CYTH3: variants seen among roughly 807,000 people sequenced by gnomAD.
CYTH3 encodes cytohesin 3, also known as cytohesin-3.
CYTH3 carries 23 observed loss-of-function variants against 55.1 expected under a neutral mutation model. That is an observed-to-expected ratio of 0.42 (90% CI 0.30 to 0.59). The LOEUF (loss-of-function observed/expected upper bound fraction) is 0.59, where lower values mean the gene tolerates loss of function less well. Ranked by LOEUF, CYTH3 falls within the 20% of genes least tolerant of loss-of-function variation. The probability of loss-of-function intolerance (pLI) is 0.20; values close to 1 mark genes in which losing one functional copy is unlikely to be tolerated. For missense variants in CYTH3, 413 were observed against 524.8 expected, an observed-to-expected ratio of 0.79 and a Z score of 2.08; for synonymous variants, 249 against 194.9, an observed-to-expected ratio of 1.28 and a Z score of -2.31.
At chr7:6,226,922 T>C (rs1286113636) in intron 1 of CYTH3, among the ~76,000 whole-genome samples, 3 of 151,794 alleles carry the variant, frequency 2.0e-5, no homozygotes, top group African/African-American at 4.8e-5. Flanking sequence ...CTACTAAAAA[T>C]ACAAAAAATT....
intron 1 of CYTH3, among the ~76,000 whole-genome samples, chr7:6,237,726 A>G (rs773285951): frequency 6.6e-6 from 1 of 152,134 alleles, no homozygotes; most frequent in Non-Finnish European, 1.5e-5. Flanking sequence ...ACAACAAAAA[A>G]AAACCACACA....
At chr7:6,209,847 A>C (rs1280764693) in intron 1 of CYTH3, among the ~76,000 whole-genome samples, 1 of 152,230 alleles carries the variant, frequency 6.6e-6, no homozygotes, top group Non-Finnish European at 1.5e-5. Flanking sequence ...TAAGTGAAAG[A>C]AGCCAATATG....
At position 6,167,522 on chromosome 7, in the gene CYTH3, A is replaced by G. The variant is rs1373293310; in HGVS notation, c.824-1712T>C. On this transcript the variant is annotated intron_variant, in intron 9 of 12. Coordinates refer to ENST00000350796, the MANE Select transcript of CYTH3 (RefSeq NM_004227.4). This position sits in a 1 kb window ranked among gnomAD's most constrained non-coding sequence, Gnocchi z 5.5. ...GCCCCGCTCCAGCTGCACTGGTGCC[A>G]GCTGCCATCCCCCAAACAGCGGCCA... 6.6e-6 allele frequency among the ~76,000 whole-genome samples: 1 copy of G among 152,238 alleles called. No homozygotes were observed. The highest frequency in any genetic ancestry group is 1.5e-5 in the Non-Finnish European group (1 of 68,030).
rs116517449 is a variant in CYTH3 at position 6,197,587 on chromosome 7, G to A, written c.35-7056C>T. Among the ~76,000 whole-genome samples the A allele has an allele frequency of 8.4e-3, 1,286 of 152,254 alleles. 17 individuals are homozygous for A. Among genetic ancestry groups the A allele is most frequent in the African/African-American group, 0.029 (1,220 of 41,538 alleles). ...AATCCCAGCTACCTGGGAGGGTGAAGCAGGAGAAATGCTTGAACCCAAGAG... is the reference window on the plus strand; with the variant it reads ...AATCCCAGCTACCTGGGAGGGTGAAACAGGAGAAATGCTTGAACCCAAGAG... On this transcript the variant is annotated intron_variant, in intron 1 of 12. Transcript: ENST00000350796.
chr7:6,179,534 T>G (rs1353149559), intron 4 of CYTH3, among the ~76,000 whole-genome samples: 1 of 151,828 alleles, frequency 6.6e-6, no homozygotes, highest in Non-Finnish European at 1.5e-5. Context: ...AAATCAATTC[T>G]CATATGTATC....
Position 6,174,704 on chromosome 7 carries a change from C to T in CYTH3, c.369-971G>A, listed in dbSNP as rs181674168. Among the ~76,000 whole-genome samples the T allele has an allele frequency of 3.6e-4, 55 of 152,128 alleles. No individual in the cohort carries two copies. In the East Asian group the frequency reaches 0.011, roughly 29 times the overall value. ...CTGGGACTACAGGCACCCGCCAGCACGCCTGGCTAATTTTTTGTATTTTTA... is the reference window on the plus strand; with the variant it reads ...CTGGGACTACAGGCACCCGCCAGCATGCCTGGCTAATTTTTTGTATTTTTA... On this transcript the variant is annotated intron_variant, in intron 5 of 12. Transcript: ENST00000350796.
At chr7:6,229,402 G>C (rs1002415008) in intron 1 of CYTH3, among the ~76,000 whole-genome samples, 1 of 152,132 alleles carries the variant, frequency 6.6e-6, no homozygotes, top group African/African-American at 2.4e-5. Context: ...TGCTGCGGCA[G>C]ACTCCAGGAA....
At chr7:6,222,706 C>T (rs946544721) in intron 1 of CYTH3, among the ~76,000 whole-genome samples, 2 of 148,188 alleles carry the variant, frequency 1.3e-5, no homozygotes, top group African/African-American at 5.0e-5. Context: ...GAGATCGCGC[C>T]ACTGCACTCC....
At chr7:6,210,605 T>C (rs1784300197) in intron 1 of CYTH3, among the ~76,000 whole-genome samples, 1 of 152,236 alleles carries the variant, frequency 6.6e-6, no homozygotes, top group South Asian at 2.1e-4. Context: ...GGTGGAACTT[T>C]GGCTAAAAAT....
chr7:6,179,741 C>T (rs1434941526), intron 4 of CYTH3, among the ~76,000 whole-genome samples: 4 of 126,772 alleles, frequency 3.2e-5, no homozygotes, highest in African/African-American at 1.2e-4. Context: ...ACACCCACCA[C>T]ACACACCCCA....
Position 6,259,772 on chromosome 7 carries a change from T to TATAATA in CYTH3, c.34+12701_34+12702insTATTAT, listed in dbSNP as rs1491219669. 2.1e-3 allele frequency among the ~76,000 whole-genome samples: 64 copies of TATAATA among 30,494 alleles called. 4 individuals carry two copies. The highest frequency in any genetic ancestry group is 4.1e-3 in the South Asian group (4 of 974). 20.0% of individuals were successfully genotyped at this position (30,494 alleles called of 152,430 possible). On this transcript the variant is annotated intron_variant, in intron 1 of 12. Coordinates refer to ENST00000350796, the MANE Select transcript of CYTH3 (RefSeq NM_004227.4). ...TATATATATATTATATATATATATA[T>TATAATA]TATATATATATAATATATATATATA...
chr7:6,256,919 A>G (rs1015417345), intron 1 of CYTH3, among the ~76,000 whole-genome samples: 7 of 152,200 alleles, frequency 4.6e-5, no homozygotes, highest in African/African-American at 1.7e-4. Context: ...GACCAGTCTG[A>G]CCACAAAAAG....
At position 6,165,021 on chromosome 7, in the gene CYTH3, TG is replaced by T; in HGVS notation, c.1128-6del. 1 of 1,614,040 alleles carries T rather than the reference TG, an allele frequency of 6.2e-7. No individual in the cohort carries two copies. Among genetic ancestry groups the T allele is most frequent in the Non-Finnish European group, 8.5e-7 (1 of 1,179,994 alleles). On this transcript the variant is annotated splice_polypyrimidine_tract_variant and splice_region_variant and intron_variant, in intron 12 of 12. Transcript: ENST00000350796. ...GGATCTCTGCTGATACTGGCTCTGG[TG>T]AAAAAAGGAAAACACACAGGTTAGG...
In CYTH3 at chr7:6,244,955, A is replaced by ATTTTTTTTTTTTTTTTTTTTT. The variant is rs887701278; in HGVS notation, c.34+27498_34+27518dup. 3.6e-4 allele frequency among the ~76,000 whole-genome samples: 13 copies of ATTTTTTTTTTTTTTTTTTTTT among 36,454 alleles called. 1 individual carries two copies. The highest frequency in any genetic ancestry group is 5.0e-4 in the Non-Finnish European group (10 of 19,966). The allele number at this position is 36,454 out of a possible 152,430, so 23.9% of individuals were successfully genotyped here. On this transcript the variant is annotated intron_variant, in intron 1 of 12. Transcript: ENST00000350796. Reference sequence around the variant, plus strand: ...AGTCACCCGCCACCACGCCCGGCTAATTTTTTTTTTTTTTTTTTTTTTTTT... The same window carrying ATTTTTTTTTTTTTTTTTTTTT: ...AGTCACCCGCCACCACGCCCGGCTAATTTTTTTTTTTTTTTTTTTTTTTTTTTTTTTTTTTTTTTTTTTTTT...
At chr7:6,181,946 A>C (rs897463687) in intron 4 of CYTH3, among the ~76,000 whole-genome samples, 1 of 152,216 alleles carries the variant, frequency 6.6e-6, no homozygotes, top group Non-Finnish European at 1.5e-5. Context: ...ATCATGGATA[A>C]GAAACATCCT....
rs751772454 is a variant in CYTH3 at position 6,170,432 on chromosome 7, C to A, written c.823+103G>T. On this transcript the variant is annotated intron_variant, in intron 9 of 12. Transcript: ENST00000350796. The surrounding 1 kb of genome is among the most constrained non-coding windows in gnomAD (Gnocchi z 7.8). ...ACCGCGTTTCTTTTTAACGTCTCTG[C>A]CTGCGGTGGGGGGCATTCCTACGAT... 3.8e-6 allele frequency: 4 copies of A among 1,062,336 alleles called. No individual in the cohort carries two copies. Among genetic ancestry groups the A allele is most frequent in the Non-Finnish European group, 4.1e-6 (3 of 729,804 alleles). The allele number at this position is 1,062,336 out of a possible 1,614,324, so 65.8% of individuals were successfully genotyped here. A position where few individuals can be genotyped will look rare whatever the true frequency, so the allele number is the denominator to read the frequency against.
intron 1 of CYTH3, among the ~76,000 whole-genome samples, chr7:6,192,941 C>G (rs1783837281): frequency 6.6e-6 from 1 of 151,734 alleles, no homozygotes; most frequent in African/African-American, 2.4e-5. Flanking sequence ...GAGGCAGAGA[C>G]AGGTGGATCA....
At chr7:6,168,239 T>TC (rs1274345536) in intron 9 of CYTH3, among the ~76,000 whole-genome samples, 2 of 149,610 alleles carry the variant, frequency 1.3e-5, no homozygotes, top group East Asian at 2.0e-4. Context: ...TTTTTTTTTT[T>TC]CTGGTGATTG....
chr7:6,242,403 G>C lies in CYTH3; in HGVS notation c.34+30071C>G, dbSNP rs542320165. ...TTTTTTTTTTTTTTTTTAAGACGGA[G>C]TCTCACTCTGTTGCCCAGGCTGGAG... On this transcript the variant is annotated intron_variant, in intron 1 of 12. Coordinates refer to ENST00000350796, the MANE Select transcript of CYTH3 (RefSeq NM_004227.4). Among the ~76,000 whole-genome samples the C allele has an allele frequency of 9.4e-5, 12 of 127,118 alleles. No homozygotes were observed. In the South Asian group the frequency reaches 2.8e-3, roughly 30 times the overall value. 83.4% of individuals were successfully genotyped at this position (127,118 alleles called of 152,430 possible). A position where few individuals can be genotyped will look rare whatever the true frequency, so the allele number is the denominator to read the frequency against.
Sources: allele counts gnomAD v4.1 joint callset (sites outside exome capture counted in the v4.1 genomes callset), GRCh38; gene constraint gnomAD v4.1.1; non-coding constraint Gnocchi (gnomAD v3.1); transcripts MANE v1.5; gene names NCBI Gene and HGNC (gene_info 2026-07-23, HGNC 2026-07-21).